Variants in NCOR1 observed in about 807,000 individuals in gnomAD.
The protein encoded by NCOR1 is protein phosphatase 1, regulatory subunit 109.
Under a neutral mutation model 288.1 loss-of-function variants are expected in NCOR1, and 63 were observed. That is an observed-to-expected ratio of 0.22 (90% confidence interval 0.18 to 0.27). NCOR1 has a LOEUF of 0.27. Among genes scored for constraint, NCOR1 ranks in the 10% least tolerant of loss-of-function variants. NCOR1 has a pLI of 1.00. For synonymous variants in NCOR1, 1,007 were observed against 1,065.9 expected, an observed-to-expected ratio of 0.94 and a Z score of 1.08; for missense variants, 2,397 against 3,019.2, an observed-to-expected ratio of 0.79 and a Z score of 4.83.
intron 2 of NCOR1, among the ~76,000 whole-genome samples, chr17:16,193,336 T>C (rs1476874551): frequency 3.3e-5 from 5 of 152,140 alleles, no homozygotes; most frequent in Non-Finnish European, 7.3e-5. Flanking sequence ...GTTCAAGCGA[T>C]TCTCCAGCCT....
rs1972135621 is a variant in NCOR1 at position 16,032,186 on chromosome 17, G to A, written c.*110C>T. ...ATCTGTGGGCTGGCTCTCCTGAAAAGTCTCAGGGAATAAGTCACAGGAGGG... is the reference window on the plus strand; with the variant it reads ...ATCTGTGGGCTGGCTCTCCTGAAAAATCTCAGGGAATAAGTCACAGGAGGG... On this transcript the variant is annotated 3_prime_UTR_variant, in exon 46 of 46. Transcript: ENST00000268712. The A allele has an allele frequency of 9.1e-7, 1 of 1,096,470 alleles. No individual in the cohort carries two copies. The highest frequency in any genetic ancestry group is 1.3e-6 in the Non-Finnish European group (1 of 796,876). 67.9% of individuals were successfully genotyped at this position (1,096,470 alleles called of 1,614,324 possible).
chr17:16,138,887 A>T, intron 12 of NCOR1, 121 bp downstream of exon 12: 1 of 690,554 alleles, frequency 1.4e-6, no homozygotes, highest in Non-Finnish European at 2.4e-6. Flanking sequence ...CACAGTATTG[A>T]TTCAAACACC....
chr17:16,164,243 G>GAAAAAAAAAAAAAAAAAA (rs34172004), intron 5 of NCOR1, among the ~76,000 whole-genome samples: 2 of 138,936 alleles, frequency 1.4e-5, no homozygotes, highest in Non-Finnish European at 1.5e-5. Flanking sequence ...TCCAAATCTG[G>GAAAAAAAAAAAAAAAAAA]AAAAAAAAAA....
chr17:16,101,222 C>T (rs745440173), intron 20 of NCOR1, 28 bp downstream of exon 20: 8 of 1,545,508 alleles, frequency 5.2e-6, no homozygotes, highest in African/African-American at 4.1e-5. Context: ...AGAGTAAGCA[C>T]GGGGAGGACT....
chr17:16,172,971 T>C (rs527990810), intron 3 of NCOR1, among the ~76,000 whole-genome samples: 2 of 152,298 alleles, frequency 1.3e-5, no homozygotes, highest in African/African-American at 4.8e-5. Flanking sequence ...TATTTCTTTT[T>C]TGAGGCCCAG....
chr17:16,038,209 A>G (rs1261316536), intron 44 of NCOR1, among the ~76,000 whole-genome samples: 1 of 152,244 alleles, frequency 6.6e-6, no homozygotes, highest in African/African-American at 2.4e-5. Flanking sequence ...TGAAAAGCAC[A>G]AGAGATATTC....
intron 21 of NCOR1, among the ~76,000 whole-genome samples, chr17:16,094,361 T>C (rs1428601917): frequency 3.3e-5 from 5 of 152,242 alleles, no homozygotes. Flanking sequence ...TTTAATGATC[T>C]TTTTGTGGTA....
chr17:16,100,331 C>A (rs530242010), intron 20 of NCOR1, among the ~76,000 whole-genome samples: 1 of 152,194 alleles, frequency 6.6e-6, no homozygotes, highest in Non-Finnish European at 1.5e-5. Flanking sequence ...AATTAATTAA[C>A]CTTTAATGAC....
chr17:16,048,737 C>T, intron 41 of NCOR1, 108 bp downstream of exon 41: 1 of 1,230,626 alleles, frequency 8.1e-7, no homozygotes, highest in Non-Finnish European at 1.1e-6. Context: ...GAATGCCATC[C>T]AGACATAAAA....
intron 22 of NCOR1, among the ~76,000 whole-genome samples, chr17:16,089,124 G>A (rs141286676): frequency 7.2e-6 from 1 of 139,046 alleles, no homozygotes; most frequent in East Asian, 2.1e-4. Flanking sequence ...CATAGTAGTG[G>A]TTTTTTTTTT....
intron 15 of NCOR1, among the ~76,000 whole-genome samples, chr17:16,124,387 G>A (rs1379298735): frequency 6.6e-6 from 1 of 152,188 alleles, no homozygotes; most frequent in Non-Finnish European, 1.5e-5. Flanking sequence ...GCCAGAGGCT[G>A]GAAATGAGGA....
chr17:16,168,103 A>C (rs76779154), intron 4 of NCOR1, among the ~76,000 whole-genome samples: 1 of 152,210 alleles, frequency 6.6e-6, no homozygotes, highest in Admixed American at 6.5e-5. Context: ...ACAAATAATA[A>C]GTGTAAGTTA....
chr17:16,067,393 A>G (rs780296284), intron 32 of NCOR1, among the ~76,000 whole-genome samples: 3 of 152,172 alleles, frequency 2.0e-5, no homozygotes, highest in Non-Finnish European at 4.4e-5. Flanking sequence ...CAAAGGCTGG[A>G]AAAAAAATCT....
At chr17:16,060,516 G>A (rs2060432544) in intron 37 of NCOR1, among the ~76,000 whole-genome samples, 1 of 152,100 alleles carries the variant, frequency 6.6e-6, no homozygotes, top group Non-Finnish European at 1.5e-5. Context: ...CTAATCTCAG[G>A]TTAAAAGAAG....
At position 16,165,151 on chromosome 17, in the gene NCOR1, A is replaced by T; in HGVS notation, c.446T>A (p.Phe149Tyr). Residue 149 changes from phenylalanine (F) to tyrosine (Y), a missense_variant, in exon 5 of 46, where the codon TTC (phenylalanine) becomes TAC (tyrosine). Transcript: ENST00000268712. ...GGATGGAGCTTCATGTTTGCCTCCG[A>T]ATGCTGGATCCTTTAGAGAATAAAA... ...ASADAKKDPA[F>Y]GGKHEAPSSP... The T allele has an allele frequency of 6.3e-7, 1 of 1,595,430 alleles. No homozygotes were observed. The highest frequency in any genetic ancestry group is 8.5e-7 in the Non-Finnish European group (1 of 1,175,676).
chr17:16,070,621 G>A, intron 30 of NCOR1, 96 bp from the exon 31 acceptor site: 6 of 1,486,616 alleles, frequency 4.0e-6, no homozygotes, highest in East Asian at 2.3e-5. Flanking sequence ...ACAGTTCACT[G>A]TGGTGATCTT....
Position 16,061,476 on chromosome 17 carries a change from T to G in NCOR1, c.5806A>C (p.Ile1936Leu), listed in dbSNP as rs1029456346. The G allele has an allele frequency of 6.2e-7, 1 of 1,614,122 alleles. No individual in the cohort carries two copies. The highest frequency in any genetic ancestry group is 1.3e-5 in the African/African-American group (1 of 74,934). The change falls in exon 37 of 46, where the codon ATC (isoleucine) becomes CTC (leucine). Residue 1936 changes from isoleucine (I) to leucine (L), a missense_variant. By Grantham distance (5) the Ile-to-Leu change is conservative (BLOSUM62 2). Transcript: ENST00000268712. Reference protein sequence around the residue: ...TITAANFIDVIITRQIASDKD... With the variant: ...TITAANFIDVLITRQIASDKD... The stretch of plus-strand genomic sequence containing the variant: ...TCCGAGGCAATTTGCCGGGTGATGA[T>G]CACGTCTATGAAGTTAGCTGCAGTA...
chr17:16,046,952 C>T lies in NCOR1; in HGVS notation c.6678G>A (p.Met2226Ile), dbSNP rs527871403. 172 of 1,613,454 alleles carry T rather than the reference C, an allele frequency of 1.1e-4. 1 individual carries two copies. The South Asian group carries it at 1.8e-3, about 17-fold the overall frequency. The change falls in exon 42 of 46, where the codon ATG becomes ATA. Residue 2226 changes from methionine to isoleucine, a missense_variant and splice_region_variant. Met to Ile is a conservative substitution (Grantham distance 10). This residue lies in a region of NCOR1 where 1,872 missense variants were observed against 2,187.8 expected (regional missense o/e 0.86). Transcript: ENST00000268712. ...LNSSGGGDSDMAAAQPGTEIF... is the reference protein window; with the variant it reads ...LNSSGGGDSDIAAAQPGTEIF... The stretch of plus-strand genomic sequence containing the variant: ...GTTCATGAAAGAAATCCCACTTACC[C>T]ATATCAGAGTCACCTCCACCAGAGG...
intron 31 of NCOR1, among the ~76,000 whole-genome samples, chr17:16,068,763 G>C (rs1033990331): frequency 6.7e-6 from 1 of 149,416 alleles, no homozygotes; most frequent in African/African-American, 2.5e-5. Context: ...ACCCAGGCTG[G>C]AGTGCAGTGG....
Sources: gnomAD v4.1 joint callset for allele counts (sites outside exome capture counted in the v4.1 genomes callset) on GRCh38, gnomAD v4.1.1 for gene constraint, gnomAD v4.1.1 regional missense constraint, MANE v1.5 for transcripts, NCBI Gene and HGNC (gene_info 2026-07-23, HGNC 2026-07-21) for gene names.